Variants in AGTPBP1 observed in about 807,000 individuals in gnomAD.
The protein encoded by AGTPBP1 is cytosolic carboxypeptidase 1.
A neutral mutation model predicts 143.9 loss-of-function variants in AGTPBP1; 70 were observed. The observed-to-expected ratio is 0.49, with a 90% CI of 0.40 to 0.59. The LOEUF is 0.59. AGTPBP1 is among the 20% of genes least tolerant of loss of function. AGTPBP1 has a pLI of 0.00. For missense variants in AGTPBP1, 1,229 were observed against 1,464.5 expected (o/e 0.84, Z 2.62); for synonymous variants, 463 against 500.2 (o/e 0.93, Z 0.99).
chr9:85,687,605 T>C (rs1277623156), intron 3 of AGTPBP1, among the ~76,000 whole-genome samples: 1 of 146,600 alleles, frequency 6.8e-6, no homozygotes, highest in Admixed American at 6.8e-5. Flanking sequence ...AACACACTTC[T>C]AAAAAAAAAA....
chr9:85,710,291 G>C (rs1312188301), intron 2 of AGTPBP1, among the ~76,000 whole-genome samples: 3 of 151,030 alleles, frequency 2.0e-5, no homozygotes, highest in African/African-American at 4.9e-5. Context: ...TCATAATTGA[G>C]AAATAAATCA....
intron 13 of AGTPBP1, among the ~76,000 whole-genome samples, chr9:85,639,212 A>G (rs2133787264): frequency 6.6e-6 from 1 of 152,296 alleles, no homozygotes; most frequent in South Asian, 2.1e-4. Context: ...TAAAAAACCA[A>G]TGAATCAAAA....
intron 25 of AGTPBP1, among the ~76,000 whole-genome samples, chr9:85,556,184 T>A (rs1826331356): frequency 6.6e-6 from 1 of 152,060 alleles, no homozygotes; most frequent in Non-Finnish European, 1.5e-5. Context: ...GGAGTTCAAT[T>A]AAAATATATG....
At chr9:85,693,648 T>C (rs990237643) in intron 2 of AGTPBP1, among the ~76,000 whole-genome samples, 1 of 152,012 alleles carries the variant, frequency 6.6e-6, no homozygotes, top group Non-Finnish European at 1.5e-5. Flanking sequence ...GTGTTGTCAA[T>C]ATAGTGTAAA....
the AGTPBP1 span, chr9:85,765,256 T>C: frequency 4.4e-6 from 1 of 227,206 alleles, no homozygotes; most frequent in Admixed American, 5.2e-5. Context: ...TGAGGGACTC[T>C]ACTGGAGGGC....
chr9:85,548,294 T>G (rs1825838675), intron 25 of AGTPBP1, among the ~76,000 whole-genome samples: 1 of 152,188 alleles, frequency 6.6e-6, no homozygotes, highest in Non-Finnish European at 1.5e-5. Flanking sequence ...TATCTGGAAG[T>G]TAAGGTGGGA....
At chr9:85,618,101 G>A (rs916394710) in intron 17 of AGTPBP1, among the ~76,000 whole-genome samples, 13 of 151,932 alleles carry the variant, frequency 8.6e-5, no homozygotes, top group African/African-American at 2.2e-4. Flanking sequence ...TTATCCAGGC[G>A]TGGTGGCACG....
the AGTPBP1 span, chr9:85,788,132 C>T: frequency 3.3e-5 from 5 of 152,126 alleles, no homozygotes; most frequent in African/African-American, 9.6e-5. Flanking sequence ...ATTAAATAGA[C>T]TTCTGTGGAC....
chr9:85,735,512 A>G (rs1034307632), intron 1 of AGTPBP1, among the ~76,000 whole-genome samples: 1 of 152,246 alleles, frequency 6.6e-6, no homozygotes, highest in African/African-American at 2.4e-5. Flanking sequence ...CTACACACTT[A>G]AAAGTGATTT....
At position 85,619,051 on chromosome 9, in the gene AGTPBP1, A is replaced by G. The variant is rs1830756714; in HGVS notation, c.2267T>C (p.Met756Thr). 1.2e-6 allele frequency: 2 copies of G among 1,613,928 alleles called. No individual in the cohort carries two copies. The highest frequency in any genetic ancestry group is 1.7e-6 in the Non-Finnish European group (2 of 1,179,876). Reference protein sequence around the residue: ...HQWFYFEVSGMRPGVAYRFNI... With the variant: ...HQWFYFEVSGTRPGVAYRFNI... ...AAACCTGTAAGCAACACCTGGTCGC[A>G]TTCCACTGACTTCAAAGTAAAACCA... The change falls in exon 17 of 26, where the codon ATG becomes ACG. Residue 756 changes from methionine to threonine, a missense_variant. By Grantham distance (81) the Met-to-Thr change is moderately conservative. Around this residue, in one of 2 missense-constraint regions of AGTPBP1, gnomAD observed 486 missense variants for 652.3 expected, o/e 0.75. Coordinates refer to ENST00000357081, the MANE Select transcript of AGTPBP1 (RefSeq NM_001330701.2).
chr9:85,656,986 C>T (rs1224554803), intron 10 of AGTPBP1, among the ~76,000 whole-genome samples: 2 of 150,216 alleles, frequency 1.3e-5, no homozygotes, highest in African/African-American at 4.9e-5. Context: ...TTAATGAGAT[C>T]ACATGGACAC....
chr9:85,715,084 C>T (rs1328008918), intron 1 of AGTPBP1, among the ~76,000 whole-genome samples: 3 of 151,560 alleles, frequency 2.0e-5, no homozygotes, highest in African/African-American at 7.3e-5. Context: ...CCATCTCTAT[C>T]AAAAATACAA....
the AGTPBP1 span, among the ~76,000 whole-genome samples, chr9:85,794,118 G>A: frequency 1.3e-5 from 2 of 152,204 alleles, no homozygotes; most frequent in Admixed American, 1.3e-4. Context: ...ATGGAAATAA[G>A]TTTCTGAGCT....
intron 2 of AGTPBP1, among the ~76,000 whole-genome samples, chr9:85,696,393 CGCA>C (rs1836240676): frequency 6.6e-6 from 1 of 152,142 alleles, no homozygotes; most frequent in South Asian, 2.1e-4. Flanking sequence ...CCCGGTCGGG[CGCA>C]GTGGCTCATG....
At chr9:85,675,682 TC>T (rs769636009) in intron 6 of AGTPBP1, among the ~76,000 whole-genome samples, 13 of 152,150 alleles carry the variant, frequency 8.5e-5, no homozygotes, top group Non-Finnish European at 1.8e-4. Flanking sequence ...GCAATAGAAT[TC>T]CTCATAAATT....
At chr9:85,592,994 G>C (rs1272072911) in intron 18 of AGTPBP1, among the ~76,000 whole-genome samples, 1 of 152,086 alleles carries the variant, frequency 6.6e-6, no homozygotes, top group Non-Finnish European at 1.5e-5. Flanking sequence ...ACACGTTACT[G>C]AATCTAGAAA....
chr9:85,590,934 G>A (rs1284493540), intron 19 of AGTPBP1, among the ~76,000 whole-genome samples: 4 of 152,138 alleles, frequency 2.6e-5, no homozygotes, highest in Non-Finnish European at 5.9e-5. Context: ...ACTGGTAATT[G>A]AGATAACTAA....
chr9:85,757,600 AG>A, the AGTPBP1 span, among the ~76,000 whole-genome samples: 4 of 152,330 alleles, frequency 2.6e-5, no homozygotes, highest in South Asian at 8.3e-4. Context: ...AGCCAGGCCA[AG>A]ATCCTACATA....
chr9:85,801,334 T>G, the AGTPBP1 span, among the ~76,000 whole-genome samples: 2 of 152,144 alleles, frequency 1.3e-5, no homozygotes, highest in Admixed American at 6.5e-5. Flanking sequence ...AATTTTAATT[T>G]TTGTGTGTAT....
Sources: gnomAD v4.1 joint callset for allele counts (sites outside exome capture counted in the v4.1 genomes callset) on GRCh38, gnomAD v4.1.1 for gene constraint, gnomAD v4.1.1 regional missense constraint, MANE v1.5 for transcripts, NCBI Gene and HGNC (gene_info 2026-07-23, HGNC 2026-07-21) for gene names.